SEC22B: variants seen among roughly 807,000 people sequenced by gnomAD.
SEC22B encodes the protein SEC22 homolog B, vesicle trafficking protein.
In SEC22B, 10 loss-of-function variants were observed where a neutral mutation model predicts 31.4. The observed-to-expected ratio is 0.32, with a 90% CI of 0.20 to 0.54. The LOEUF (loss-of-function observed/expected upper bound fraction) is 0.54. Ranked by LOEUF, SEC22B falls within the 20% of genes least tolerant of loss-of-function variation. The probability of loss-of-function intolerance (pLI) is 0.94; values close to 1 mark genes in which losing one functional copy is unlikely to be tolerated. For synonymous variants in SEC22B, 60 were observed against 95.9 expected (o/e 0.63, Z 2.19); for missense variants, 130 against 263.4 (o/e 0.49, Z 3.50).
chr1:120,157,222 A>G (rs1290429607), intron 4 of SEC22B, 30 bp from the exon 5 acceptor site: 9 of 1,332,702 alleles, frequency 6.8e-6, no homozygotes, highest in African/African-American at 4.4e-5. Context: ...GAAAACATTA[A>G]TTAGTCCCTG....
chr1:120,165,631 A>G (rs1373559518), intron 2 of SEC22B, among the ~76,000 whole-genome samples: 1 of 152,008 alleles, frequency 6.6e-6, no homozygotes, highest in Non-Finnish European at 1.5e-5. Context: ...ATTTTCTCCC[A>G]TTGTGCAAGT....
At chr1:120,175,648 A>G (rs1196163613) in intron 1 of SEC22B, among the ~76,000 whole-genome samples, 264 of 152,338 alleles carry the variant, frequency 1.7e-3, no homozygotes, top group African/African-American at 6.2e-3. Flanking sequence ...CTACTAGCAT[A>G]AAGCAGCTAT....
At chr1:120,163,735 C>T (rs1657757233) in intron 2 of SEC22B, among the ~76,000 whole-genome samples, 2 of 151,530 alleles carry the variant, frequency 1.3e-5, no homozygotes, top group African/African-American at 2.4e-5. Flanking sequence ...GCCACTATGC[C>T]CAGCTAATTT....
In SEC22B at chr1:120,155,469, AAAAG is replaced by A. The variant is rs1322524240; in HGVS notation, c.*1565_*1568del. ...TCCCAATTGGCAGATTTAGGTCCAT[AAAAG>A]AAAGGAAAAAAATTATTCTAGTTAT... On this transcript the variant is annotated 3_prime_UTR_variant, in exon 5 of 5. Coordinates refer to ENST00000578049, the MANE Select transcript of SEC22B (RefSeq NM_004892.6). 1.3e-5 allele frequency: 2 copies of A among 150,372 alleles called. No homozygotes were observed. The highest frequency in any genetic ancestry group is 3.9e-4 in the East Asian group (2 of 5,154). The allele number at this position is 150,372 out of a possible 1,614,324, so 9.3% of individuals were successfully genotyped here. A position where few individuals can be genotyped will look rare whatever the true frequency, so the allele number is the denominator to read the frequency against.
intron 1 of SEC22B, among the ~76,000 whole-genome samples, chr1:120,175,575 T>A (rs1227871738): frequency 2.0e-5 from 3 of 148,066 alleles, no homozygotes; most frequent in Non-Finnish European, 4.5e-5. Flanking sequence ...ACACAAAACA[T>A]CTTTCTTTTA....
Position 120,176,398 on chromosome 1 carries a change from G to A in SEC22B, c.-17C>T. On this transcript the variant is annotated 5_prime_UTR_variant, in exon 1 of 5. Coordinates refer to ENST00000578049, the MANE Select transcript of SEC22B (RefSeq NM_004892.6). Reference sequence around the variant, plus strand: ...CAACACCATCTTCACAAACTACAGGGATCCAACACTGGCCCGGAAGGCCCT... The same window carrying A: ...CAACACCATCTTCACAAACTACAGGAATCCAACACTGGCCCGGAAGGCCCT... The A allele has an allele frequency of 6.2e-6, 10 of 1,612,714 alleles. No individual in the cohort carries two copies. The highest frequency in any genetic ancestry group is 8.5e-6 in the Non-Finnish European group (10 of 1,179,050).
intron 4 of SEC22B, among the ~76,000 whole-genome samples, chr1:120,159,831 G>T (rs1257015759): frequency 6.6e-6 from 1 of 152,030 alleles, no homozygotes; most frequent in Non-Finnish European, 1.5e-5. Flanking sequence ...TTGTGAACTA[G>T]AGAATGACAG....
chr1:120,176,405 C>T lies in SEC22B; in HGVS notation c.-24G>A, dbSNP rs1657966074. 2.5e-6 allele frequency: 4 copies of T among 1,611,516 alleles called. No homozygotes were observed. The highest frequency in any genetic ancestry group is 3.4e-6 in the Non-Finnish European group (4 of 1,178,296). On this transcript the variant is annotated 5_prime_UTR_variant, in exon 1 of 5. Coordinates refer to ENST00000578049, the MANE Select transcript of SEC22B (RefSeq NM_004892.6). ...ATCTTCACAAACTACAGGGATCCAACACTGGCCCGGAAGGCCCTTGGCGCC... is the reference window on the plus strand; with the variant it reads ...ATCTTCACAAACTACAGGGATCCAATACTGGCCCGGAAGGCCCTTGGCGCC...
chr1:120,160,520 A>G lies in SEC22B; in HGVS notation c.357T>C (p.Ile119=), dbSNP rs1449259581. ...CAATGTAGAGCTTCTTGGTTTTCTG[A>G]ATGAAAGTATCTAGAATGATGAAGA... ...PYSFIEFDTF[I]QKTKKLYIDS... Residue 119 remains isoleucine, a synonymous_variant, in exon 4 of 5, where the codon ATT becomes ATC. Transcript: ENST00000578049. 4.4e-6 allele frequency: 7 copies of G among 1,582,090 alleles called. No homozygotes were observed. The Admixed American group carries it at 1.3e-4, about 29-fold the overall frequency.
Position 120,153,007 on chromosome 1 carries a change from T to C in SEC22B, c.*4031A>G, listed in dbSNP as rs1553228925. On this transcript the variant is annotated 3_prime_UTR_variant, in exon 5 of 5. Coordinates refer to ENST00000578049, the MANE Select transcript of SEC22B (RefSeq NM_004892.6). ...AATGAGAGAAAAAAGTATAGATTACTATATGGAAGTCAAATTTCTAGTGAC... is the reference window on the plus strand; with the variant it reads ...AATGAGAGAAAAAAGTATAGATTACCATATGGAAGTCAAATTTCTAGTGAC... The C allele has an allele frequency of 1.3e-5, 2 of 149,606 alleles. No individual in the cohort carries two copies. Among genetic ancestry groups the C allele is most frequent in the Admixed American group, 6.6e-5 (1 of 15,172 alleles). The allele number at this position is 149,606 out of a possible 1,614,324, so 9.3% of individuals were successfully genotyped here.
Position 120,176,325 on chromosome 1 carries a change from C to A in SEC22B, c.57G>T (p.Ser19=), listed in dbSNP as rs1553230195. ...AGCTCACCTGTTCGTCCTCCTGCAT[C>A]GAGGCGGCCAGCGGGAGCCCGTCCG... ...RVADGLPLAA[S]MQEDEQSGRD... The change falls in exon 1 of 5, where the codon TCG becomes TCT. Residue 19 remains serine, a synonymous_variant. Transcript: ENST00000578049. 6.2e-6 allele frequency: 10 copies of A among 1,612,022 alleles called. No homozygotes were observed. Among genetic ancestry groups the A allele is most frequent in the Admixed American group, 3.3e-5 (2 of 59,974 alleles).
At chr1:120,160,637 C>G in intron 3 of SEC22B, 107 bp from the exon 4 acceptor site, 1 of 867,834 alleles carries the variant, frequency 1.2e-6, no homozygotes, top group African/African-American at 1.7e-5. Flanking sequence ...CACCTGTAAT[C>G]CCAGCACTTT....
intron 3 of SEC22B, among the ~76,000 whole-genome samples, chr1:120,161,040 C>A (rs1657708123): frequency 6.6e-6 from 1 of 152,184 alleles, no homozygotes; most frequent in African/African-American, 2.4e-5. Context: ...GACGACCATT[C>A]AGGAGAAATG....
chr1:120,161,411 G>C (rs1361181609), intron 3 of SEC22B, among the ~76,000 whole-genome samples: 1 of 151,744 alleles, frequency 6.6e-6, no homozygotes. Flanking sequence ...CTGAAGTCTC[G>C]GCCAGGCACT....
In SEC22B at chr1:120,151,809, A is replaced by G. The variant is rs1335410942; in HGVS notation, c.*5229T>C. On this transcript the variant is annotated 3_prime_UTR_variant, in exon 5 of 5. Coordinates refer to ENST00000578049, the MANE Select transcript of SEC22B (RefSeq NM_004892.6). ...TTGAACCCAAACATAAAGGATGGAAATGATGTAATAAAATACCTTTTGAAA... is the reference window on the plus strand; with the variant it reads ...TTGAACCCAAACATAAAGGATGGAAGTGATGTAATAAAATACCTTTTGAAA... The G allele has an allele frequency of 6.6e-6, 1 of 151,362 alleles. No individual in the cohort carries two copies. Among genetic ancestry groups the G allele is most frequent in the East Asian group, 2.0e-4 (1 of 5,102 alleles). 9.4% of individuals were successfully genotyped at this position (151,362 alleles called of 1,614,324 possible). A position where few individuals can be genotyped will look rare whatever the true frequency, so the allele number is the denominator to read the frequency against.
At chr1:120,163,436 C>T in intron 2 of SEC22B, 66 bp from the exon 3 acceptor site, 1 of 1,155,508 alleles carries the variant, frequency 8.7e-7, no homozygotes, top group Non-Finnish European at 1.2e-6. Flanking sequence ...CAGTTTAAAG[C>T]AGAATCTCTG....
At chr1:120,163,667 C>G (rs1657756159) in intron 2 of SEC22B, among the ~76,000 whole-genome samples, 1 of 151,632 alleles carries the variant, frequency 6.6e-6, no homozygotes, top group Non-Finnish European at 1.5e-5. Flanking sequence ...CCTCCGCCTC[C>G]CGGGTTCAAG....
intron 1 of SEC22B, among the ~76,000 whole-genome samples, chr1:120,173,078 G>A (rs1328142630): frequency 7.0e-6 from 1 of 143,552 alleles, no homozygotes. Flanking sequence ...AACTCAGCTG[G>A]TCAAAGACCA....
chr1:120,160,664 T>C (rs1191302771), intron 3 of SEC22B, 134 bp from the exon 4 acceptor site: 1 of 515,092 alleles, frequency 1.9e-6, no homozygotes, highest in Non-Finnish European at 3.4e-6. Flanking sequence ...CCAAGGCAGG[T>C]GAATCATGAG....
Sources: allele counts gnomAD v4.1 joint callset (sites outside exome capture counted in the v4.1 genomes callset), GRCh38; gene constraint gnomAD v4.1.1; transcripts MANE v1.5; gene names NCBI Gene and HGNC (gene_info 2026-07-23, HGNC 2026-07-21).